PKP4: variants seen among roughly 807,000 people sequenced by gnomAD.
PKP4 encodes plakophilin-4.
A neutral mutation model predicts 145.1 loss-of-function variants in PKP4; 90 were observed. The observed-to-expected ratio is 0.62, with a 90% CI of 0.52 to 0.74. The LOEUF (loss-of-function observed/expected upper bound fraction) is 0.74. Among genes scored for constraint, PKP4 ranks in the 30% least tolerant of loss-of-function variants. PKP4 has a pLI of 0.00. For synonymous variants in PKP4, 563 were observed against 577.2 expected, an observed-to-expected ratio of 0.98 and a Z score of 0.35; for missense variants, 1,340 against 1,482.7, an observed-to-expected ratio of 0.90 and a Z score of 1.58.
chr2:158,679,353 A>AT (rs925539169), intron 21 of PKP4: 26 of 152,384 alleles, frequency 1.7e-4, no homozygotes, highest in African/African-American at 6.3e-4. Flanking sequence ...TCAGATAAGG[A>AT]TGTGTTCTAA....
At chr2:158,487,493 G>A (rs755242743) in intron 1 of PKP4, among the ~76,000 whole-genome samples, 9 of 152,104 alleles carry the variant, frequency 5.9e-5, no homozygotes, top group Non-Finnish European at 1.3e-4. Context: ...AAAGGCCTCT[G>A]GTTGGATCAT....
intron 1 of PKP4, among the ~76,000 whole-genome samples, chr2:158,472,633 A>AG (rs10659065): frequency 1.3e-5 from 2 of 150,880 alleles, no homozygotes. Flanking sequence ...AAAAAAAAAA[A>AG]GAATTAAAAA....
At chr2:158,601,914 A>G (rs3821294) in intron 3 of PKP4, among the ~76,000 whole-genome samples, 29,520 of 152,062 alleles carry the variant, frequency 0.19, 3,678 homozygotes, top group Middle Eastern at 0.35. Context: ...TTCTTCCCCC[A>G]CTCCAAGTGC....
At chr2:158,627,650 A>AATATATATATATATATATAT (rs3836167) in intron 7 of PKP4, among the ~76,000 whole-genome samples, 3 of 147,610 alleles carry the variant, frequency 2.0e-5, no homozygotes, top group Admixed American at 6.8e-5. Flanking sequence ...AAACTACAGA[A>AATATATATATATATATATAT]ATATATATAT....
intron 12 of PKP4, 108 bp from the exon 13 acceptor site, chr2:158,661,225 A>G: frequency 1.3e-6 from 1 of 755,230 alleles, no homozygotes. Flanking sequence ...TCCGACCTCT[A>G]AGTGGCTGCC....
intron 3 of PKP4, among the ~76,000 whole-genome samples, chr2:158,593,645 GTTCC>G (rs2049465966): frequency 1.3e-5 from 2 of 152,158 alleles, no homozygotes; most frequent in African/African-American, 4.8e-5. Context: ...TGTATTTCCT[GTTCC>G]TTTCATGTTT....
At chr2:158,599,443 T>C (rs2050044802) in intron 3 of PKP4, among the ~76,000 whole-genome samples, 1 of 152,216 alleles carries the variant, frequency 6.6e-6, no homozygotes, top group South Asian at 2.1e-4. Flanking sequence ...CTCCCTGCTC[T>C]TCAGTTTGAG....
intron 3 of PKP4, chr2:158,588,106 T>C (rs2048958016): frequency 6.6e-6 from 1 of 152,176 alleles, no homozygotes; most frequent in Non-Finnish European, 1.5e-5. Flanking sequence ...AGTTTTACAA[T>C]ATTGTAAGTG....
chr2:158,622,111 G>C (rs1328722357), intron 6 of PKP4, among the ~76,000 whole-genome samples: 1 of 151,966 alleles, frequency 6.6e-6, no homozygotes, highest in Non-Finnish European at 1.5e-5. Context: ...TAGAGGGCAG[G>C]GTGCTATACC....
At chr2:158,550,772 T>G (rs140887439) in intron 2 of PKP4, among the ~76,000 whole-genome samples, 1 of 152,228 alleles carries the variant, frequency 6.6e-6, no homozygotes, top group Non-Finnish European at 1.5e-5. Flanking sequence ...GATTGGACAT[T>G]TATTGATTTA....
intron 3 of PKP4, among the ~76,000 whole-genome samples, chr2:158,587,812 A>G (rs924788270): frequency 8.4e-4 from 128 of 152,030 alleles, no homozygotes; most frequent in African/African-American, 2.8e-3. Flanking sequence ...ATAGCTAACC[A>G]CTAGTATGTA....
At chr2:158,488,427 A>G (rs760795510) in intron 1 of PKP4, among the ~76,000 whole-genome samples, 4 of 152,152 alleles carry the variant, frequency 2.6e-5, no homozygotes, top group Non-Finnish European at 5.9e-5. Flanking sequence ...AAATTCCCAT[A>G]TATACCATGT....
At chr2:158,608,407 A>G (rs774664766) in intron 4 of PKP4, among the ~76,000 whole-genome samples, 1 of 152,190 alleles carries the variant, frequency 6.6e-6, no homozygotes, top group Non-Finnish European at 1.5e-5. Flanking sequence ...TAGCTCCTCA[A>G]GTACTCAAGT....
At chr2:158,470,098 T>C (rs1691312308) in intron 1 of PKP4, among the ~76,000 whole-genome samples, 1 of 152,240 alleles carries the variant, frequency 6.6e-6, no homozygotes, top group African/African-American at 2.4e-5. Context: ...TCCTGGCTAT[T>C]TGAGCTCTCA....
intron 16 of PKP4, chr2:158,669,016 A>G (rs1221437709): frequency 1.3e-5 from 2 of 152,250 alleles, no homozygotes; most frequent in East Asian, 1.9e-4. Flanking sequence ...CAGTATCTAT[A>G]AAGAAATACC....
intron 1 of PKP4, among the ~76,000 whole-genome samples, chr2:158,485,736 A>G (rs995241966): frequency 6.6e-6 from 1 of 152,214 alleles, no homozygotes; most frequent in Non-Finnish European, 1.5e-5. Flanking sequence ...CTGTATGCCT[A>G]CTGGATTCTA....
intron 3 of PKP4, among the ~76,000 whole-genome samples, chr2:158,582,987 T>C (rs1315807070): frequency 6.6e-6 from 1 of 152,148 alleles, no homozygotes; most frequent in African/African-American, 2.4e-5. Context: ...GTGTTGCTTG[T>C]CATTGTGCAG....
chr2:158,663,403 C>T lies in PKP4; in HGVS notation c.2535C>T (p.Gly845=). ...AESSNPATLE[G]SAGSLQNLSA... is the part of the protein sequence containing the mutation. ...GTTCCAACCCAGCCACCTTGGAAGGCTCTGCAGGGTCTCTCCAGAACCTCT... is the reference window on the plus strand; with the variant it reads ...GTTCCAACCCAGCCACCTTGGAAGGTTCTGCAGGGTCTCTCCAGAACCTCT... Residue 845 remains glycine (G), a synonymous_variant, in exon 15 of 22, where the codon GGC becomes GGT. Coordinates refer to ENST00000389759, the MANE Select transcript of PKP4 (RefSeq NM_003628.6). 3 of 1,614,102 alleles carry T rather than the reference C, an allele frequency of 1.9e-6. No homozygotes were observed. Among genetic ancestry groups the T allele is most frequent in the Non-Finnish European group, 2.5e-6 (3 of 1,179,970 alleles).
intron 2 of PKP4, 30 bp from the exon 3 acceptor site, chr2:158,577,241 T>TTA: frequency 6.8e-7 from 1 of 1,462,156 alleles, no homozygotes; most frequent in South Asian, 1.2e-5. Context: ...CCTTGGCGCC[T>TTA]TATATGCCTT....
Sources: allele counts gnomAD v4.1 joint callset (sites outside exome capture counted in the v4.1 genomes callset), GRCh38; gene constraint gnomAD v4.1.1; transcripts MANE v1.5; gene names NCBI Gene and HGNC (gene_info 2026-07-23, HGNC 2026-07-21).